The following RMDN2 variants were observed in gnomAD, a reference collection of about 807,000 sequenced individuals.
RMDN2 encodes the protein regulator of microtubule dynamics protein 2.
A neutral mutation model predicts 52.8 loss-of-function variants in RMDN2; 61 were observed. That is an observed-to-expected ratio of 1.16 (90% CI 0.94 to 1.43). The LOEUF is 1.43. RMDN2 is among the 40% of genes most tolerant of loss of function. The pLI is 0.00. For missense variants in RMDN2, 592 were observed against 475.3 expected, an observed-to-expected ratio of 1.25 and a Z score of -2.28; for synonymous variants, 180 against 153.1, an observed-to-expected ratio of 1.18 and a Z score of -1.30.
chr2:38,008,783 C>T (rs1677496687), intron 10 of RMDN2, among the ~76,000 whole-genome samples: 1 of 152,192 alleles, frequency 6.6e-6, no homozygotes, highest in East Asian at 1.9e-4. Flanking sequence ...TTAGCTGATG[C>T]AGTTTCTTCC....
intron 10 of RMDN2, among the ~76,000 whole-genome samples, chr2:38,058,638 A>G (rs564082159): frequency 8.5e-5 from 13 of 152,366 alleles, no homozygotes; most frequent in African/African-American, 2.6e-4. Flanking sequence ...CCACCAAAAT[A>G]TAACCTTATG....
intron 2 of RMDN2, among the ~76,000 whole-genome samples, chr2:37,965,063 C>T (rs1219029892): frequency 6.6e-6 from 1 of 151,984 alleles, no homozygotes; most frequent in African/African-American, 2.4e-5. Flanking sequence ...CTTTTGTTTA[C>T]TGTTTTCATG....
At chr2:37,966,129 A>G (rs2121257) in intron 2 of RMDN2, among the ~76,000 whole-genome samples, 4 of 152,068 alleles carry the variant, frequency 2.6e-5, no homozygotes, top group African/African-American at 7.2e-5. Flanking sequence ...TTGTTAAGTT[A>G]TTGCATTTGT....
intron 10 of RMDN2, among the ~76,000 whole-genome samples, chr2:38,048,552 G>C (rs181433032): frequency 6.6e-6 from 1 of 152,298 alleles, no homozygotes; most frequent in Admixed American, 6.5e-5. Flanking sequence ...CCCTTCTCCT[G>C]TACAGCAGGC....
chr2:38,049,862 T>C (rs1426553727), intron 10 of RMDN2, among the ~76,000 whole-genome samples: 2 of 152,154 alleles, frequency 1.3e-5, no homozygotes, highest in African/African-American at 2.4e-5. Context: ...GACAAGATTA[T>C]TGATGGTTTG....
At chr2:37,951,339 C>T (rs1344363102) in intron 2 of RMDN2, 4 of 1,613,050 alleles carry the variant, frequency 2.5e-6, no homozygotes, top group Non-Finnish European at 3.4e-6. Flanking sequence ...AAGTATATCT[C>T]TTGGTCATAA....
chr2:38,011,116 C>G (rs1230520326), intron 10 of RMDN2, among the ~76,000 whole-genome samples: 5 of 152,150 alleles, frequency 3.3e-5, no homozygotes, highest in Non-Finnish European at 7.4e-5. Context: ...GGTGGCCCAG[C>G]CTAGAGTAAG....
chr2:37,989,532 C>G lies in RMDN2; in HGVS notation c.792-9C>G. The G allele has an allele frequency of 6.2e-7, 1 of 1,602,146 alleles. No individual in the cohort carries two copies. Among genetic ancestry groups the G allele is most frequent in the Non-Finnish European group, 8.5e-7 (1 of 1,173,836 alleles). On this transcript the variant is annotated splice_polypyrimidine_tract_variant and intron_variant, in intron 5 of 10. Transcript: ENST00000354545. ...GGCCACTGTTTTTGTCTGTTTTTGT[C>G]CTTTTCAGGTATGCAGTTTTGTGTG...
At chr2:38,058,058 G>A (rs908170250) in intron 10 of RMDN2, among the ~76,000 whole-genome samples, 1 of 152,222 alleles carries the variant, frequency 6.6e-6, no homozygotes, top group African/African-American at 2.4e-5. Flanking sequence ...CCAGGAAAAT[G>A]TCCGACTCAT....
chr2:37,989,001 T>G (rs1458540138), intron 5 of RMDN2, among the ~76,000 whole-genome samples: 1 of 152,198 alleles, frequency 6.6e-6, no homozygotes, highest in African/African-American at 2.4e-5. Flanking sequence ...AAGCATACTC[T>G]AAAATTACCT....
chr2:37,929,327 C>T lies in RMDN2; in HGVS notation c.50C>T (p.Thr17Ile). 6.4e-7 allele frequency: 1 copy of T among 1,551,804 alleles called. No individual in the cohort carries two copies. Among genetic ancestry groups the T allele is most frequent in the Non-Finnish European group, 8.7e-7 (1 of 1,146,856 alleles). ...TTGATACTTGGCATCATGGTGGGCA[C>T]TGCTGGAATCAGCTTGCTGCTCTTG... ...KELILGIMVGTAGISLLLLWY... is the reference protein window; with the variant it reads ...KELILGIMVGIAGISLLLLWY... The change falls in exon 2 of 11, where the codon ACT becomes ATT. Residue 17 changes from threonine (T) to isoleucine (I), a missense_variant. Transcript: ENST00000354545.
chr2:37,926,175 T>C (rs923098145), intron 1 of RMDN2, among the ~76,000 whole-genome samples: 5 of 152,258 alleles, frequency 3.3e-5, no homozygotes, highest in African/African-American at 1.2e-4. Flanking sequence ...ATTAGAGTTA[T>C]GCATTTTATA....
chr2:38,023,969 AT>A, intron 10 of RMDN2, among the ~76,000 whole-genome samples: 1 of 152,170 alleles, frequency 6.6e-6, no homozygotes, highest in South Asian at 2.1e-4. Context: ...CCCATTCCAA[AT>A]AACAACTGAT....
chr2:37,943,412 A>C (rs552521622), intron 2 of RMDN2, among the ~76,000 whole-genome samples: 173 of 152,376 alleles, frequency 1.1e-3, no homozygotes, highest in Non-Finnish European at 2.0e-3. Context: ...TGATCCAAGC[A>C]GGAATCCCGG....
intron 4 of RMDN2, among the ~76,000 whole-genome samples, chr2:37,977,513 T>C (rs1056986545): frequency 6.6e-6 from 1 of 150,462 alleles, no homozygotes; most frequent in African/African-American, 2.5e-5. Context: ...GAGACGCGCC[T>C]CACTTCCCGG....
At chr2:37,987,257 AAAGT>A (rs147462945) in intron 5 of RMDN2, among the ~76,000 whole-genome samples, 6,378 of 152,232 alleles carry the variant, frequency 0.042, 407 homozygotes, top group African/African-American at 0.14. Flanking sequence ...GAAAATGAAC[AAAGT>A]ATGTACAAGA....
intron 8 of RMDN2, among the ~76,000 whole-genome samples, chr2:37,998,738 TA>T (rs1558530878): frequency 6.6e-6 from 1 of 152,042 alleles, no homozygotes; most frequent in Non-Finnish European, 1.5e-5. Flanking sequence ...GTTCAAAAAA[TA>T]AAAAAGAAAC....
chr2:37,976,521 T>C (rs979285268), intron 4 of RMDN2, among the ~76,000 whole-genome samples: 6 of 152,242 alleles, frequency 3.9e-5, no homozygotes, highest in African/African-American at 1.4e-4. Context: ...ACCAAACTCC[T>C]TGTAATTATA....
In RMDN2 at chr2:37,969,648, T is replaced by C. The variant is rs145520316; in HGVS notation, c.453-4392T>C. Among the ~76,000 whole-genome samples the C allele has an allele frequency of 6.0e-3, 914 of 152,140 alleles. 11 individuals are homozygous for C. Among genetic ancestry groups the C allele is most frequent in the African/African-American group, 0.021 (855 of 41,564 alleles). On this transcript the variant is annotated intron_variant, in intron 2 of 10. Coordinates refer to ENST00000354545, the MANE Select transcript of RMDN2 (RefSeq NM_001170791.3). ...AATAAGATTGTTTCTTTTTTCCAAT[T>C]ATTATAATTTTTGTTTTTCTTTTAA...
Sources: gnomAD v4.1 joint callset for allele counts (sites outside exome capture counted in the v4.1 genomes callset) on GRCh38, gnomAD v4.1.1 for gene constraint, MANE v1.5 for transcripts, NCBI Gene and HGNC (gene_info 2026-07-23, HGNC 2026-07-21) for gene names.